COL23A1: variants seen among roughly 807,000 people sequenced by gnomAD.
The protein encoded by COL23A1 is collagen type XXIII alpha 1 chain, also known as collagen alpha-1(XXIII) chain.
A neutral mutation model predicts 99.3 loss-of-function variants in COL23A1; 97 were observed. The ratio of observed to expected loss-of-function variants is 0.98; its 90% confidence interval spans 0.83 to 1.16. The LOEUF (loss-of-function observed/expected upper bound fraction) is 1.16. Among genes scored for constraint, COL23A1 ranks in the 50% most tolerant of loss-of-function variants. The pLI is 0.00. For synonymous variants in COL23A1, 320 were observed against 308.2 expected (o/e 1.04, Z -0.40); for missense variants, 762 against 757.4 (o/e 1.01, Z -0.07).
At chr5:178,534,972 CT>C (rs35460582) in intron 2 of COL23A1, among the ~76,000 whole-genome samples, 17,872 of 129,842 alleles carry the variant, frequency 0.14, 999 homozygotes, top group African/African-American at 0.24. Context: ...TTTCCTTTTT[CT>C]TTTTTTTTTT....
At chr5:178,510,692 A>G (rs1049941685) in intron 2 of COL23A1, among the ~76,000 whole-genome samples, 2 of 151,246 alleles carry the variant, frequency 1.3e-5, no homozygotes, top group Admixed American at 6.6e-5. Context: ...AAATAAAAAT[A>G]AAAAATAAAA....
chr5:178,410,534 T>A (rs1047248230), intron 2 of COL23A1, among the ~76,000 whole-genome samples: 7 of 152,230 alleles, frequency 4.6e-5, no homozygotes, highest in African/African-American at 1.7e-4. Flanking sequence ...TATAGACCAA[T>A]GGATAAATTG....
intron 8 of COL23A1, among the ~76,000 whole-genome samples, chr5:178,264,719 C>G (rs937901508): frequency 2.6e-5 from 4 of 152,172 alleles, no homozygotes; most frequent in Non-Finnish European, 5.9e-5. Context: ...TGCAGTGGCG[C>G]AATCTTGGCT....
At chr5:178,416,873 G>A (rs912910617) in intron 2 of COL23A1, among the ~76,000 whole-genome samples, 1 of 152,046 alleles carries the variant, frequency 6.6e-6, no homozygotes, top group Non-Finnish European at 1.5e-5. Flanking sequence ...GTGAGGGCAG[G>A]CTGTCAACAC....
At chr5:178,382,225 C>T (rs1170400784) in intron 2 of COL23A1, among the ~76,000 whole-genome samples, 1 of 152,052 alleles carries the variant, frequency 6.6e-6, no homozygotes, top group Non-Finnish European at 1.5e-5. Flanking sequence ...GCACAGAGTC[C>T]CAGCTGCAGC....
At chr5:178,578,204 A>G (rs1763490521) in intron 1 of COL23A1, among the ~76,000 whole-genome samples, 1 of 150,958 alleles carries the variant, frequency 6.6e-6, no homozygotes, top group South Asian at 2.1e-4. Flanking sequence ...GCACACATAC[A>G]CCCATGTACA....
chr5:178,328,004 A>C (rs1759788747), intron 2 of COL23A1, among the ~76,000 whole-genome samples: 1 of 152,186 alleles, frequency 6.6e-6, no homozygotes, highest in Admixed American at 6.5e-5. Context: ...TGCAGAGCAG[A>C]GACTGTGCGT....
At chr5:178,417,487 G>C (rs142507359) in intron 2 of COL23A1, among the ~76,000 whole-genome samples, 1 of 152,042 alleles carries the variant, frequency 6.6e-6, no homozygotes, top group Admixed American at 6.5e-5. Context: ...AATCACGCCC[G>C]CAACATTCTG....
At chr5:178,268,555 C>A (rs1001860777) in intron 7 of COL23A1, among the ~76,000 whole-genome samples, 175 bp downstream of exon 7, 2 of 152,132 alleles carry the variant, frequency 1.3e-5, no homozygotes, top group Non-Finnish European at 2.9e-5. Flanking sequence ...CAAATGTAAG[C>A]CTTGTAATCA....
At chr5:178,491,074 GA>G (rs1288704352) in intron 2 of COL23A1, among the ~76,000 whole-genome samples, 2 of 151,732 alleles carry the variant, frequency 1.3e-5, no homozygotes, top group South Asian at 2.1e-4. Flanking sequence ...AAAGAGGAAA[GA>G]AGGAGAAGAG....
chr5:178,473,625 T>C (rs1018210784), intron 2 of COL23A1, among the ~76,000 whole-genome samples: 1 of 152,094 alleles, frequency 6.6e-6, no homozygotes, highest in African/African-American at 2.4e-5. Context: ...TGAGCATCTC[T>C]GGATTTGGGT....
chr5:178,559,630 T>C (rs112995926), intron 2 of COL23A1, among the ~76,000 whole-genome samples: 12 of 95,470 alleles, frequency 1.3e-4, no homozygotes, highest in East Asian at 3.2e-4. Flanking sequence ...CACCCAAAAG[T>C]CACCTTTCCC....
chr5:178,371,908 A>G (rs937106888), intron 2 of COL23A1, among the ~76,000 whole-genome samples: 4 of 152,234 alleles, frequency 2.6e-5, no homozygotes, highest in African/African-American at 9.6e-5. Context: ...TACAGCTCTG[A>G]AATCTAACAA....
intron 2 of COL23A1, among the ~76,000 whole-genome samples, chr5:178,497,930 T>C (rs1758279555): frequency 6.6e-6 from 1 of 151,932 alleles, no homozygotes; most frequent in South Asian, 2.1e-4. Context: ...AGAATATATA[T>C]AAATTTCCTA....
intron 3 of COL23A1, among the ~76,000 whole-genome samples, chr5:178,291,659 G>A (rs997501265): frequency 1.3e-5 from 2 of 152,040 alleles, no homozygotes; most frequent in Admixed American, 6.6e-5. Context: ...GTCAGCGAAG[G>A]GCTCTGCAAG....
chr5:178,268,671 C>T, intron 7 of COL23A1, 59 bp downstream of exon 7: 1 of 1,566,626 alleles, frequency 6.4e-7, no homozygotes, highest in Non-Finnish European at 8.7e-7. Flanking sequence ...CGTTCGGAGG[C>T]AGGTTTCTGG....
At chr5:178,316,905 T>C (rs1232225033) in intron 2 of COL23A1, among the ~76,000 whole-genome samples, 1 of 152,174 alleles carries the variant, frequency 6.6e-6, no homozygotes, top group African/African-American at 2.4e-5. Flanking sequence ...TACAAAATTC[T>C]GAGTGAGTTA....
At chr5:178,416,473 G>A (rs1253249812) in intron 2 of COL23A1, among the ~76,000 whole-genome samples, 1 of 152,218 alleles carries the variant, frequency 6.6e-6, no homozygotes, top group African/African-American at 2.4e-5. Flanking sequence ...CTGGGAGTGA[G>A]CCCGGAGGGG....
chr5:178,581,718 A>G (rs906111893), intron 1 of COL23A1, among the ~76,000 whole-genome samples: 1 of 152,120 alleles, frequency 6.6e-6, no homozygotes, highest in Non-Finnish European at 1.5e-5. Flanking sequence ...AAATAGGGGG[A>G]GGGTGTATGC....
Sources: gnomAD v4.1 joint callset for allele counts (sites outside exome capture counted in the v4.1 genomes callset) on GRCh38, gnomAD v4.1.1 for gene constraint, MANE v1.5 for transcripts, NCBI Gene and HGNC (gene_info 2026-07-23, HGNC 2026-07-21) for gene names.